Variants in RGS6 observed in about 807,000 individuals in gnomAD.
RGS6 encodes the protein regulator of G protein signaling 6, also known as regulator of G-protein signaling 6.
In RGS6, 30 loss-of-function variants were observed where a neutral mutation model predicts 78.5. The observed-to-expected ratio is 0.38, with a 90% CI of 0.29 to 0.52. The LOEUF (loss-of-function observed/expected upper bound fraction) is 0.52, where lower values mean the gene tolerates loss of function less well. Among genes scored for constraint, RGS6 ranks in the 20% least tolerant of loss-of-function variants. The probability of loss-of-function intolerance (pLI) is 0.85; values close to 1 mark genes in which losing one functional copy is unlikely to be tolerated. For missense variants in RGS6, 495 were observed against 609.7 expected, an observed-to-expected ratio of 0.81 and a Z score of 1.98; for synonymous variants, 206 against 206.0, an observed-to-expected ratio of 1.00 and a Z score of 0.00.
intron 2 of RGS6, among the ~76,000 whole-genome samples, chr14:72,072,348 C>T (rs1325227708): frequency 1.3e-5 from 2 of 149,580 alleles, no homozygotes; most frequent in African/African-American, 4.9e-5. Flanking sequence ...CTCGCTCTGT[C>T]GCCAGGCTGG....
chr14:72,220,689 G>T (rs1205142850), intron 2 of RGS6, among the ~76,000 whole-genome samples: 2 of 152,132 alleles, frequency 1.3e-5, no homozygotes, highest in Admixed American at 6.5e-5. Context: ...ACAGGCTCAA[G>T]GTTTTAAATT....
intron 2 of RGS6, among the ~76,000 whole-genome samples, chr14:72,328,800 A>G (rs982708724): frequency 6.6e-6 from 1 of 152,250 alleles, no homozygotes; most frequent in Non-Finnish European, 1.5e-5. Flanking sequence ...CCCAAAATAC[A>G]TTAAAAATCT....
Position 72,102,603 on chromosome 14 carries a change from G to C in RGS6, c.84+137728G>C, listed in dbSNP as rs150627057. On this transcript the variant is annotated intron_variant, in intron 2 of 17. Transcript: ENST00000553525. ...AAGGGCATGTAGCTGCTACATGGTA[G>C]AGTCAAGATTTTAATTTAGCATGCC... Among the ~76,000 whole-genome samples, 17 of 152,256 alleles carry C rather than the reference G, an allele frequency of 1.1e-4. 1 individual carries two copies. The highest frequency in any genetic ancestry group is 4.1e-4 in the African/African-American group (17 of 41,552).
chr14:72,594,559 C>G, the RGS6 span, among the ~76,000 whole-genome samples: 1 of 152,188 alleles, frequency 6.6e-6, no homozygotes, highest in African/African-American at 2.4e-5. Context: ...ACCACTCATA[C>G]TCTGACTGTG....
At chr14:72,264,959 A>G (rs2058785171) in intron 2 of RGS6, among the ~76,000 whole-genome samples, 1 of 151,976 alleles carries the variant, frequency 6.6e-6, no homozygotes, top group Admixed American at 6.5e-5. Flanking sequence ...AATTTGATGT[A>G]CCTCTCCCTG....
At chr14:72,148,196 C>G (rs960259883) in intron 2 of RGS6, among the ~76,000 whole-genome samples, 3 of 147,760 alleles carry the variant, frequency 2.0e-5, no homozygotes, top group East Asian at 2.0e-4. Context: ...GAGTTCAAGA[C>G]CAGCCTGGGC....
chr14:72,495,334 A>G, intron 13 of RGS6, 72 bp downstream of exon 13: 1 of 971,346 alleles, frequency 1.0e-6, no homozygotes, highest in South Asian at 1.3e-5. Context: ...AGATTACCTT[A>G]TATTCTATCT....
chr14:72,150,183 T>C (rs2096663261), intron 2 of RGS6, among the ~76,000 whole-genome samples: 2 of 152,038 alleles, frequency 1.3e-5, no homozygotes, highest in Admixed American at 1.3e-4. Flanking sequence ...CATTAAGAAA[T>C]TGAGAAGGCA....
intron 2 of RGS6, among the ~76,000 whole-genome samples, chr14:72,081,610 AACTT>A (rs967292987): frequency 1.3e-5 from 2 of 151,996 alleles, no homozygotes; most frequent in Non-Finnish European, 1.5e-5. Context: ...TTCCCTTTTT[AACTT>A]ACTTCTCTTG....
intron 2 of RGS6, among the ~76,000 whole-genome samples, chr14:72,016,042 G>T (rs1001989256): frequency 6.6e-6 from 1 of 152,074 alleles, no homozygotes; most frequent in Non-Finnish European, 1.5e-5. Context: ...TTAAACAGCC[G>T]TGCTAAATTT....
At chr14:72,325,978 A>T (rs2073641848) in intron 2 of RGS6, among the ~76,000 whole-genome samples, 1 of 152,198 alleles carries the variant, frequency 6.6e-6, no homozygotes, top group African/African-American at 2.4e-5. Flanking sequence ...ATTAGGAGCA[A>T]ATTGCCAGTA....
At chr14:72,336,694 C>T (rs1321106983) in intron 2 of RGS6, among the ~76,000 whole-genome samples, 3 of 152,120 alleles carry the variant, frequency 2.0e-5, no homozygotes, top group Non-Finnish European at 4.4e-5. Context: ...CTTGCTAGGG[C>T]TGCCATAGTT....
intron 3 of RGS6, among the ~76,000 whole-genome samples, chr14:72,426,197 A>G (rs1363780790): frequency 2.0e-5 from 3 of 152,206 alleles, no homozygotes; most frequent in African/African-American, 7.2e-5. Context: ...GTTCATGTAT[A>G]TTAAGCCCTT....
rs1001295380 is a variant in RGS6 at position 72,550,987 on chromosome 14, G to C, written c.1422+10893G>C. ...CCTGAGTAGTTGGGATTACAGGCCTGCACCACCACACTCAACTAATTTTTG... is the reference window on the plus strand; with the variant it reads ...CCTGAGTAGTTGGGATTACAGGCCTCCACCACCACACTCAACTAATTTTTG... On this transcript the variant is annotated intron_variant, in intron 17 of 17. Coordinates refer to ENST00000553525, the MANE Select transcript of RGS6 (RefSeq NM_001204424.2). 5.9e-4 allele frequency among the ~76,000 whole-genome samples: 89 copies of C among 152,040 alleles called. 1 individual carries two copies. The highest frequency in any genetic ancestry group is 1.4e-3 in the Admixed American group (22 of 15,264).
chr14:71,991,618 C>T (rs1461935389), intron 2 of RGS6, among the ~76,000 whole-genome samples: 2 of 152,108 alleles, frequency 1.3e-5, no homozygotes, highest in African/African-American at 4.8e-5. Flanking sequence ...AAACATGTAA[C>T]AACCCCCTGC....
At chr14:72,284,434 G>A (rs976776346) in intron 2 of RGS6, among the ~76,000 whole-genome samples, 1 of 152,222 alleles carries the variant, frequency 6.6e-6, no homozygotes, top group Non-Finnish European at 1.5e-5. Context: ...GCTAAAAGGG[G>A]CCAAGGTATA....
At chr14:72,200,035 G>T (rs559027284) in intron 2 of RGS6, among the ~76,000 whole-genome samples, 12 of 152,232 alleles carry the variant, frequency 7.9e-5, no homozygotes, top group African/African-American at 2.6e-4. Flanking sequence ...AACCATTTCT[G>T]CACTGTGCTT....
At chr14:71,928,646 T>C (rs76325259), upstream of RGS6, among the ~76,000 whole-genome samples, 4,349 of 152,330 alleles carry the variant, frequency 0.029, 202 homozygotes, top group African/African-American at 0.098. Context: ...GCCAATCAAT[T>C]CTATTACACA....
the RGS6 span, among the ~76,000 whole-genome samples, chr14:72,617,486 A>C: frequency 6.6e-6 from 1 of 152,176 alleles, no homozygotes; most frequent in South Asian, 2.1e-4. Flanking sequence ...AGGCGGAAGG[A>C]AATTACTTAT....
Sources: gnomAD v4.1 joint callset for allele counts (sites outside exome capture counted in the v4.1 genomes callset) on GRCh38, gnomAD v4.1.1 for gene constraint, MANE v1.5 for transcripts, NCBI Gene and HGNC (gene_info 2026-07-23, HGNC 2026-07-21) for gene names.